The following PIGH variants were observed in gnomAD, a reference collection of about 807,000 sequenced individuals.
PIGH encodes the protein phosphatidylinositol N-acetylglucosaminyltransferase subunit H.
A neutral mutation model predicts 20.1 loss-of-function variants in PIGH; 11 were observed. The observed-to-expected ratio is 0.55, with a 90% CI of 0.34 to 0.91. PIGH has a LOEUF of 0.91. Among genes scored for constraint, PIGH ranks in the 40% least tolerant of loss-of-function variants. PIGH has a pLI of 0.02. For missense variants in PIGH, 189 were observed against 233.6 expected, an observed-to-expected ratio of 0.81 and a Z score of 1.24; for synonymous variants, 72 against 93.1, an observed-to-expected ratio of 0.77 and a Z score of 1.31.
intron 1 of PIGH, among the ~76,000 whole-genome samples, chr14:67,594,657 AAAG>A (rs2036437556): frequency 6.6e-6 from 1 of 152,078 alleles, no homozygotes; most frequent in Non-Finnish European, 1.5e-5. Context: ...TCAAAAAAAA[AAAG>A]GACCCCAAAT....
At chr14:67,593,554 G>C (rs890228452) in intron 2 of PIGH, 189 bp downstream of exon 2, 1 of 555,264 alleles carries the variant, frequency 1.8e-6, no homozygotes, top group African/African-American at 1.9e-5. Flanking sequence ...TTTTGAAGTT[G>C]GTCTTGAAGA....
chr14:67,593,847 G>C lies in PIGH; in HGVS notation c.286C>G (p.Leu96Val). The C allele has an allele frequency of 6.2e-7, 1 of 1,612,480 alleles. No individual in the cohort carries two copies. The highest frequency in any genetic ancestry group is 8.5e-7 in the Non-Finnish European group (1 of 1,178,530). Reference protein sequence around the residue: ...DQETLLIIDSLGIQMTSSYAS... With the variant: ...DQETLLIIDSVGIQMTSSYAS... Reference sequence around the variant, plus strand: ...TAAGATGAAGTCATCTGAATGCCAAGGGAATCAATGATTAACAGAGTCTCC... The same window carrying C: ...TAAGATGAAGTCATCTGAATGCCAACGGAATCAATGATTAACAGAGTCTCC... Residue 96 changes from leucine to valine, a missense_variant, in exon 2 of 4, where the codon CTT becomes GTT. Transcript: ENST00000216452.
chr14:67,593,513 T>C (rs900425096), intron 2 of PIGH: 2 of 502,528 alleles, frequency 4.0e-6, no homozygotes, highest in East Asian at 3.4e-5. Context: ...AGAAAAAAGA[T>C]AGAAAGAGAA....
chr14:67,590,375 C>T (rs2036334223), intron 3 of PIGH, among the ~76,000 whole-genome samples: 2 of 151,794 alleles, frequency 1.3e-5, no homozygotes, highest in Non-Finnish European at 2.9e-5. Context: ...GCTTCAGCCT[C>T]CCGAGTAGCT....
intron 1 of PIGH, among the ~76,000 whole-genome samples, chr14:67,598,911 T>G (rs2036522467): frequency 6.7e-6 from 1 of 149,090 alleles, no homozygotes; most frequent in Non-Finnish European, 1.5e-5. Flanking sequence ...GGTTTCACCA[T>G]GTTGGCCAGG....
chr14:67,597,623 T>C lies in PIGH; in HGVS notation c.180+2401A>G, dbSNP rs183483351. On this transcript the variant is annotated intron_variant, in intron 1 of 3. Coordinates refer to ENST00000216452, the MANE Select transcript of PIGH (RefSeq NM_004569.5). ...TCTAATTTTGAGTTAATTAATTGCATTGAATAAGCATTAAGAAGAATGGAG... is the reference window on the plus strand; with the variant it reads ...TCTAATTTTGAGTTAATTAATTGCACTGAATAAGCATTAAGAAGAATGGAG... Among the ~76,000 whole-genome samples the C allele has an allele frequency of 2.1e-4, 32 of 152,268 alleles. No individual in the cohort carries two copies. In the Middle Eastern group the frequency reaches 0.01, roughly 49 times the overall value.
chr14:67,592,736 A>T lies in PIGH; in HGVS notation c.391-18T>A. ...ACCTTCTGCTGTAAGAAAATAAATC[A>T]AATAGCAAAGTCTAAGTGAAACTCA... On this transcript the variant is annotated intron_variant, in intron 2 of 3. Coordinates refer to ENST00000216452, the MANE Select transcript of PIGH (RefSeq NM_004569.5). 1.4e-6 allele frequency: 2 copies of T among 1,451,250 alleles called. No homozygotes were observed. The highest frequency in any genetic ancestry group is 1.9e-6 in the Non-Finnish European group (2 of 1,037,262). 89.9% of individuals were successfully genotyped at this position (1,451,250 alleles called of 1,614,324 possible).
intron 1 of PIGH, among the ~76,000 whole-genome samples, chr14:67,595,071 A>C (rs1225664904): frequency 2.0e-5 from 3 of 152,104 alleles, no homozygotes; most frequent in African/African-American, 7.2e-5. Context: ...CAGGAGGTGG[A>C]GCTTGCAGTG....
chr14:67,596,793 G>C (rs1275099302), intron 1 of PIGH, among the ~76,000 whole-genome samples: 1 of 152,142 alleles, frequency 6.6e-6, no homozygotes, highest in African/African-American at 2.4e-5. Context: ...TGTTTCCTTT[G>C]GGTAATTTTC....
chr14:67,597,160 T>C (rs1594810509), intron 1 of PIGH, among the ~76,000 whole-genome samples: 2 of 152,238 alleles, frequency 1.3e-5, no homozygotes, highest in Admixed American at 1.3e-4. Context: ...CAGAACCTGC[T>C]ATATTTACTA....
At chr14:67,599,394 G>T (rs1354489179) in intron 1 of PIGH, among the ~76,000 whole-genome samples, 1 of 152,102 alleles carries the variant, frequency 6.6e-6, no homozygotes, top group Admixed American at 6.5e-5. Flanking sequence ...AGAGAAAACA[G>T]GAATGAATCT....
intron 1 of PIGH, among the ~76,000 whole-genome samples, chr14:67,598,590 C>T (rs2036516085): frequency 6.6e-6 from 1 of 152,128 alleles, no homozygotes; most frequent in Non-Finnish European, 1.5e-5. Flanking sequence ...CTCCTCCTCA[C>T]ATGACCACAT....
At position 67,600,005 on chromosome 14, in the gene PIGH, G is replaced by A. The variant is rs774226605; in HGVS notation, c.180+19C>T. The A allele has an allele frequency of 6.5e-7, 1 of 1,542,370 alleles. No homozygotes were observed. The highest frequency in any genetic ancestry group is 1.2e-5 in the South Asian group (1 of 83,674). ...GAACCCCCTCCTTCGAGCGCGGGGA[G>A]GGGCCGACTTGCCATTACCTCGCAG... is the stretch of plus-strand genomic sequence containing the variant. On this transcript the variant is annotated intron_variant, in intron 1 of 3. Transcript: ENST00000216452.
chr14:67,593,641 T>C, intron 2 of PIGH, 102 bp downstream of exon 2: 1 of 669,878 alleles, frequency 1.5e-6, no homozygotes, highest in East Asian at 2.7e-5. Flanking sequence ...ACCTTTTAAA[T>C]ATAAGTCTCA....
chr14:67,593,254 C>G (rs1221787374), intron 2 of PIGH: 1 of 173,376 alleles, frequency 5.8e-6, no homozygotes, highest in East Asian at 1.7e-4. Context: ...CTTGGGGAGG[C>G]CACAGCAGGA....
At position 67,600,076 on chromosome 14, in the gene PIGH, G is replaced by A. The variant is rs2036549321; in HGVS notation, c.128C>T (p.Ala43Val). 5 of 1,593,092 alleles carry A rather than the reference G, an allele frequency of 3.1e-6. No homozygotes were observed. Among genetic ancestry groups the A allele is most frequent in the South Asian group, 1.1e-5 (1 of 87,986 alleles). ...CPRLSLRSLT[A>V]VTCTVWLAAY... ...CGCCAGCCACACCGTGCAGGTGACA[G>A]CGGTGAGCGAACGCAGCGAGAGCCG... Residue 43 changes from alanine to valine, a missense_variant, in exon 1 of 4, where the codon GCT (alanine) becomes GTT (valine). Transcript: ENST00000216452.
Position 67,589,320 on chromosome 14 carries a change from T to A in PIGH, c.*760A>T. On this transcript the variant is annotated 3_prime_UTR_variant, in exon 4 of 4. Transcript: ENST00000216452. The stretch of plus-strand genomic sequence containing the variant: ...ACTTAGAAACAAAGGATTCAATATT[T>A]GCTTATTTATTCTTTGTTAACATGA... 2 of 977,058 alleles carry A rather than the reference T, an allele frequency of 2.0e-6. No individual in the cohort carries two copies. Among genetic ancestry groups the A allele is most frequent in the Non-Finnish European group, 2.4e-6 (2 of 822,320 alleles). 60.5% of individuals were successfully genotyped at this position (977,058 alleles called of 1,614,324 possible). A position where few individuals can be genotyped will look rare whatever the true frequency, so the allele number is the denominator to read the frequency against.
In PIGH at chr14:67,593,782, G is replaced by A; in HGVS notation, c.351C>T (p.Gly117=). 6.2e-7 allele frequency: 1 copy of A among 1,613,120 alleles called. No homozygotes were observed. The highest frequency in any genetic ancestry group is 1.3e-5 in the African/African-American group (1 of 75,004). Residue 117 remains glycine, a synonymous_variant, in exon 2 of 4, where the codon GGC becomes GGT. Transcript: ENST00000216452. ...CATTGATGACAATATCCTTGACCTT[G>A]CCCATTTCTATGAAGGTAGTGCTTT... is the stretch of plus-strand genomic sequence containing the variant. ...GKESTTFIEM[G]KVKDIVINEA...
At chr14:67,592,566 A>C in intron 3 of PIGH, 69 bp downstream of exon 3, 4 of 943,420 alleles carry the variant, frequency 4.2e-6, no homozygotes, top group Non-Finnish European at 6.9e-6. Context: ...ACTCTGACAA[A>C]AGGAATTTAC....
Sources: gnomAD v4.1 joint callset for allele counts (sites outside exome capture counted in the v4.1 genomes callset) on GRCh38, gnomAD v4.1.1 for gene constraint, MANE v1.5 for transcripts, NCBI Gene and HGNC (gene_info 2026-07-23, HGNC 2026-07-21) for gene names.